MDN1: variants seen among roughly 807,000 people sequenced by gnomAD.
The protein encoded by MDN1 is midasin AAA ATPase 1, also known as midasin.
In MDN1, 266 loss-of-function variants were observed where a neutral mutation model predicts 669.2. That is an observed-to-expected ratio of 0.40 (90% CI 0.36 to 0.44). MDN1 has a LOEUF of 0.44. Ranked by LOEUF, MDN1 falls within the 20% of genes least tolerant of loss-of-function variation. The pLI is 1.00. For missense variants in MDN1, 5,940 were observed against 6,754.0 expected (o/e 0.88, Z 4.22); for synonymous variants, 2,385 against 2,457.1 (o/e 0.97, Z 0.87).
intron 36 of MDN1, among the ~76,000 whole-genome samples, chr6:89,728,557 G>T (rs1430425526): frequency 1.3e-5 from 2 of 152,176 alleles, no homozygotes; most frequent in African/African-American, 4.8e-5. Context: ...CAGGCCAGGC[G>T]CCATGGCTTA....
intron 31 of MDN1, among the ~76,000 whole-genome samples, chr6:89,741,427 A>T (rs1421977268): frequency 6.6e-6 from 1 of 152,158 alleles, no homozygotes; most frequent in African/African-American, 2.4e-5. Flanking sequence ...AGGCCAAGTA[A>T]ACTATGGGAG....
chr6:89,759,923 T>A (rs1323722423), intron 17 of MDN1, among the ~76,000 whole-genome samples: 70 of 130,184 alleles, frequency 5.4e-4, no homozygotes, highest in East Asian at 1.6e-3. Flanking sequence ...AATACAAAAA[T>A]TAGCTGGGCG....
chr6:89,813,432 T>A (rs368131952), intron 1 of MDN1, among the ~76,000 whole-genome samples: 8 of 150,996 alleles, frequency 5.3e-5, no homozygotes, highest in Admixed American at 3.3e-4. Context: ...GTGCCTGTAA[T>A]CCCAGCTACT....
Position 89,754,519 on chromosome 6 carries a change from T to C in MDN1, c.2817-289A>G. 2.6e-5 allele frequency among the ~76,000 whole-genome samples: 4 copies of C among 152,220 alleles called. 1 individual carries two copies. The East Asian group carries it at 7.7e-4, about 29-fold the overall frequency. On this transcript the variant is annotated intron_variant, in intron 20 of 101. Coordinates refer to ENST00000369393, the MANE Select transcript of MDN1 (RefSeq NM_014611.3). Reference sequence around the variant, plus strand: ...TACTGATAAAGAGAGGTGAGAAGCTTCTGTGTTCCAGAGTCTGTTCAAGCT... The same window carrying C: ...TACTGATAAAGAGAGGTGAGAAGCTCCTGTGTTCCAGAGTCTGTTCAAGCT...
chr6:89,719,942 A>C (rs1348429114), intron 40 of MDN1, among the ~76,000 whole-genome samples: 6 of 152,162 alleles, frequency 3.9e-5, no homozygotes. Flanking sequence ...ATCTCTAAAA[A>C]ATCTAAGAGT....
intron 1 of MDN1, among the ~76,000 whole-genome samples, chr6:89,810,184 C>T (rs1437952626): frequency 6.6e-6 from 1 of 151,842 alleles, no homozygotes; most frequent in African/African-American, 2.4e-5. Flanking sequence ...GCCTGTAATC[C>T]CAGCATTTTG....
At chr6:89,650,637 TG>T in intron 96 of MDN1, 94 bp downstream of exon 96, 1 of 900,608 alleles carries the variant, frequency 1.1e-6, no homozygotes, top group Middle Eastern at 3.3e-4. Flanking sequence ...GCCTAGAAGC[TG>T]GCACTATAAA....
intron 5 of MDN1, among the ~76,000 whole-genome samples, chr6:89,791,875 ATT>A (rs66492732): frequency 6.1e-4 from 70 of 114,004 alleles, no homozygotes; most frequent in African/African-American, 1.3e-3. Context: ...AAAACTTTTA[ATT>A]TTTTTTTTTT....
chr6:89,663,942 A>T (rs373309342), intron 85 of MDN1, among the ~76,000 whole-genome samples: 7 of 4,106 alleles, frequency 1.7e-3, no homozygotes, highest in African/African-American at 9.8e-3. Flanking sequence ...ACTCCGTCTT[A>T]AAAAAAAAAA....
At chr6:89,759,394 T>C (rs1205100826) in intron 17 of MDN1, among the ~76,000 whole-genome samples, 1 of 152,206 alleles carries the variant, frequency 6.6e-6, no homozygotes, top group African/African-American at 2.4e-5. Flanking sequence ...GCAACATCCC[T>C]TGGCTTTAGT....
chr6:89,661,528 C>A lies in MDN1; in HGVS notation c.14616G>T (p.Lys4872Asn). The change falls in exon 88 of 102, where the codon AAG (lysine) becomes AAT (asparagine). Residue 4872 changes from lysine (K) to asparagine (N), a missense_variant. Coordinates refer to ENST00000369393, the MANE Select transcript of MDN1 (RefSeq NM_014611.3). ...GGTCCAAAGCCTCGGGTTCTGGCAC[C>A]TTTTCCTGATTGCCATGGTAAGGGT... ...EVDPYHGNQE[K>N]VPEPEALDLP... The A allele has an allele frequency of 6.2e-7, 1 of 1,614,150 alleles. No homozygotes were observed. Among genetic ancestry groups the A allele is most frequent in the Non-Finnish European group, 8.5e-7 (1 of 1,180,012 alleles).
chr6:89,777,676 TC>T (rs1241665239), intron 11 of MDN1, among the ~76,000 whole-genome samples: 1 of 152,196 alleles, frequency 6.6e-6, no homozygotes, highest in Admixed American at 6.5e-5. Flanking sequence ...AACACCACTA[TC>T]GTAGAAACTA....
intron 37 of MDN1, among the ~76,000 whole-genome samples, chr6:89,727,231 G>A (rs1195859287): frequency 6.6e-6 from 1 of 152,124 alleles, no homozygotes; most frequent in Non-Finnish European, 1.5e-5. Flanking sequence ...TGCAGCCTGT[G>A]TCCAAAGTCT....
At chr6:89,720,125 A>C (rs938706088) in intron 40 of MDN1, among the ~76,000 whole-genome samples, 4 of 152,200 alleles carry the variant, frequency 2.6e-5, no homozygotes, top group Admixed American at 1.3e-4. Context: ...AATAATATAG[A>C]TAAAATCATA....
chr6:89,706,561 A>G (rs1279259603), intron 52 of MDN1, among the ~76,000 whole-genome samples: 1 of 152,198 alleles, frequency 6.6e-6, no homozygotes, highest in Non-Finnish European at 1.5e-5. Flanking sequence ...ATATGAGGTC[A>G]GGTATAAAAT....
At position 89,708,549 on chromosome 6, in the gene MDN1, T is replaced by C; in HGVS notation, c.7845A>G (p.Pro2615=). Residue 2615 remains proline (P), a synonymous_variant, in exon 51 of 102, where the codon CCA becomes CCG. Transcript: ENST00000369393. The part of the protein sequence containing the change: ...DMIRNLMDFD[P]QTDQPDQLFA... ...AGAGCTGGTCAGGCTGGTCCGTTTG[T>C]GGGTCAAAGTCCATCAAATTTCTAA... 1 of 1,614,110 alleles carries C rather than the reference T, an allele frequency of 6.2e-7. No homozygotes were observed. Among genetic ancestry groups the C allele is most frequent in the Non-Finnish European group, 8.5e-7 (1 of 1,179,970 alleles).
Position 89,744,112 on chromosome 6 carries a change from A to C in MDN1, c.4179-398T>G, listed in dbSNP as rs112457831. ...GAGCGGAATGCCTTCTTAAAAAAAA[A>C]AAAAAAAAAAAAAAAAAAACCACCA... On this transcript the variant is annotated intron_variant, in intron 29 of 101. Coordinates refer to ENST00000369393, the MANE Select transcript of MDN1 (RefSeq NM_014611.3). Among the ~76,000 whole-genome samples the C allele has an allele frequency of 1.3e-3, 185 of 141,962 alleles. 4 individuals are homozygous for C. The highest frequency in any genetic ancestry group is 3.6e-3 in the Middle Eastern group (1 of 278). 93.1% of individuals were successfully genotyped at this position (141,962 alleles called of 152,430 possible).
rs759221472 is a variant in MDN1 at position 89,668,059 on chromosome 6, G to A, written c.14049C>T (p.Gly4683=). The change falls in exon 84 of 102, where the codon GGC becomes GGT. Residue 4683 remains glycine, a synonymous_variant. Transcript: ENST00000369393. The part of the protein sequence containing the change: ...HDYEGGGIGE[G]EGMKDVSDQI... ...GGTCACTCACATCCTTCATGCCCTC[G>A]CCTTCTCCAATTCCACCTCCCTCAT... is the stretch of plus-strand genomic sequence containing the variant. The A allele has an allele frequency of 9.9e-6, 16 of 1,613,794 alleles. No individual in the cohort carries two copies. The highest frequency in any genetic ancestry group is 9.4e-5 in the African/African-American group (7 of 74,838).
At chr6:89,680,443 G>A (rs1282574543) in intron 74 of MDN1, 146 bp downstream of exon 74, 2 of 884,024 alleles carry the variant, frequency 2.3e-6, no homozygotes, top group Non-Finnish European at 3.3e-6. Context: ...TGAGCTCTGT[G>A]GGTTTTTAAG....
Sources: gnomAD v4.1 joint callset for allele counts (sites outside exome capture counted in the v4.1 genomes callset) on GRCh38, gnomAD v4.1.1 for gene constraint, MANE v1.5 for transcripts, NCBI Gene and HGNC (gene_info 2026-07-23, HGNC 2026-07-21) for gene names.